TMEM233: variants seen among roughly 807,000 people sequenced by gnomAD.
TMEM233 encodes dispanin subfamily B member 2.
In TMEM233, 6 loss-of-function variants were observed where a neutral mutation model predicts 11.2. The observed-to-expected ratio is 0.54, with a 90% confidence interval of 0.29 to 1.06. The LOEUF (loss-of-function observed/expected upper bound fraction) is 1.06, where lower values mean the gene tolerates loss of function less well. Ranked by LOEUF, TMEM233 falls within the 50% of genes least tolerant of loss-of-function variation. The probability of loss-of-function intolerance (pLI) is 0.08; values close to 1 mark genes in which losing one functional copy is unlikely to be tolerated. For missense variants in TMEM233, 127 were observed against 144.7 expected (o/e 0.88, Z 0.63); for synonymous variants, 59 against 55.8 (o/e 1.06, Z -0.26).
intron 2 of TMEM233, among the ~76,000 whole-genome samples, chr12:119,632,389 C>T (rs1046259590): frequency 1.3e-5 from 2 of 152,166 alleles, no homozygotes; most frequent in Admixed American, 6.5e-5. Flanking sequence ...CTCTGCACTG[C>T]CGCTAAGTCA....
chr12:119,595,273 G>A lies in TMEM233; in HGVS notation c.186+1239G>A, dbSNP rs539314863. ...GCTCCCTCCCCCACCGGCTCACCTC[G>A]CCTGCAGCTGGGCCACGGAACTCCC... On this transcript the variant is annotated intron_variant, in intron 1 of 2. Coordinates refer to ENST00000426426, the MANE Select transcript of TMEM233 (RefSeq NM_001136534.3). This position sits in a 1 kb window ranked among gnomAD's most constrained non-coding sequence, Gnocchi z 4.3. Among the ~76,000 whole-genome samples the A allele has an allele frequency of 2.0e-5, 3 of 152,288 alleles. No individual in the cohort carries two copies. The highest frequency in any genetic ancestry group is 1.9e-4 in the East Asian group (1 of 5,176).
At chr12:119,610,928 A>G (rs1165476507) in intron 1 of TMEM233, among the ~76,000 whole-genome samples, 2 of 152,144 alleles carry the variant, frequency 1.3e-5, no homozygotes, top group Admixed American at 1.3e-4. Context: ...GAAATCATAC[A>G]ATATGTGATC....
At chr12:119,636,408 A>T (rs1218940818) in intron 2 of TMEM233, among the ~76,000 whole-genome samples, 1 of 152,206 alleles carries the variant, frequency 6.6e-6, no homozygotes, top group Non-Finnish European at 1.5e-5. Flanking sequence ...CACCTAAGGT[A>T]CCTGGTAGAA....
chr12:119,618,545 C>T (rs982584112), intron 1 of TMEM233, among the ~76,000 whole-genome samples: 24 of 152,330 alleles, frequency 1.6e-4, no homozygotes, highest in African/African-American at 5.8e-4. Context: ...TGTCCAAGGC[C>T]ATGGGAACAC....
At chr12:119,647,468 C>T (rs924134956), downstream of TMEM233, among the ~76,000 whole-genome samples, 4 of 151,872 alleles carry the variant, frequency 2.6e-5, no homozygotes, top group African/African-American at 7.3e-5. Context: ...TTTTTGTCTT[C>T]GGAGTAAAAG....
intron 1 of TMEM233, among the ~76,000 whole-genome samples, chr12:119,615,001 C>A (rs917804365): frequency 4.6e-5 from 7 of 151,550 alleles, no homozygotes; most frequent in African/African-American, 1.5e-4. Context: ...CTCTCTTTCA[C>A]TCCTACAGCT....
At chr12:119,632,835 A>G (rs1052037973) in intron 2 of TMEM233, among the ~76,000 whole-genome samples, 1 of 152,206 alleles carries the variant, frequency 6.6e-6, no homozygotes, top group Admixed American at 6.5e-5. Flanking sequence ...CACAAAAACA[A>G]TATTTGCAGC....
chr12:119,619,656 A>T (rs112032783), intron 1 of TMEM233, among the ~76,000 whole-genome samples: 1 of 151,518 alleles, frequency 6.6e-6, no homozygotes, highest in African/African-American at 2.4e-5. Context: ...AAAAAAAAAA[A>T]CACACTGACA....
chr12:119,647,559 A>AAG (rs1955170147), downstream of TMEM233, among the ~76,000 whole-genome samples: 1 of 152,188 alleles, frequency 6.6e-6, no homozygotes, highest in Non-Finnish European at 1.5e-5. Context: ...TCAGTGTCAA[A>AAG]AGGACTGCTC....
chr12:119,597,211 G>A (rs1459177896), intron 1 of TMEM233, among the ~76,000 whole-genome samples: 1 of 152,210 alleles, frequency 6.6e-6, no homozygotes, highest in African/African-American at 2.4e-5. Flanking sequence ...GTTCAGTCCT[G>A]GCAATTTTCA....
At chr12:119,628,033 C>A (rs1437153078) in intron 1 of TMEM233, among the ~76,000 whole-genome samples, 1 of 152,246 alleles carries the variant, frequency 6.6e-6, no homozygotes, top group Non-Finnish European at 1.5e-5. Flanking sequence ...GCAGCACTGC[C>A]CTGAGCTGCT....
At chr12:119,629,708 T>C in intron 1 of TMEM233, 28 bp from the exon 2 acceptor site, 2 of 1,540,908 alleles carry the variant, frequency 1.3e-6, no homozygotes, top group Non-Finnish European at 1.8e-6. Flanking sequence ...TTATCTGTCA[T>C]CACCAGCTCT....
intron 1 of TMEM233, among the ~76,000 whole-genome samples, chr12:119,622,567 T>A (rs1041045931): frequency 6.6e-6 from 1 of 152,124 alleles, no homozygotes; most frequent in African/African-American, 2.4e-5. Context: ...AACCTCAGTA[T>A]AAAATTCCAA....
the TMEM233 span, among the ~76,000 whole-genome samples, chr12:119,652,476 G>A: frequency 6.6e-5 from 10 of 152,114 alleles, no homozygotes; most frequent in African/African-American, 2.2e-4. Context: ...CTCATAAAAT[G>A]GGAATCATCC....
chr12:119,630,834 G>T (rs1445764901), intron 2 of TMEM233, among the ~76,000 whole-genome samples: 1 of 152,228 alleles, frequency 6.6e-6, no homozygotes, highest in African/African-American at 2.4e-5. Context: ...CACATCATCT[G>T]CTAAATAAAC....
In TMEM233 at chr12:119,594,650, C is replaced by G. The variant is rs1025269504; in HGVS notation, c.186+616C>G. 6.5e-6 allele frequency: 1 copy of G among 152,958 alleles called. No individual in the cohort carries two copies. Among genetic ancestry groups the G allele is most frequent in the African/African-American group, 2.4e-5 (1 of 41,454 alleles). The allele number at this position is 152,958 out of a possible 1,614,324, so 9.5% of individuals were successfully genotyped here. ...CCCGTTTCCGCGCTTTGGCACGGCACGCTCTGTCCAGGCAACAGTTTCCTC... is the reference window on the plus strand; with the variant it reads ...CCCGTTTCCGCGCTTTGGCACGGCAGGCTCTGTCCAGGCAACAGTTTCCTC... On this transcript the variant is annotated intron_variant, in intron 1 of 2. Transcript: ENST00000426426. This position sits in a 1 kb window ranked among gnomAD's most constrained non-coding sequence, Gnocchi z 5.6.
chr12:119,621,563 G>A (rs1462028940), intron 1 of TMEM233, among the ~76,000 whole-genome samples: 5 of 152,084 alleles, frequency 3.3e-5, no homozygotes, highest in Non-Finnish European at 7.4e-5. Flanking sequence ...TACAATTACT[G>A]TACCAAACTA....
Position 119,594,298 on chromosome 12 carries a change from C to G in TMEM233, c.186+264C>G, listed in dbSNP as rs1953984311. The G allele has an allele frequency of 2.2e-6, 1 of 446,174 alleles. No individual in the cohort carries two copies. The highest frequency in any genetic ancestry group is 4.0e-6 in the Non-Finnish European group (1 of 250,704). 27.6% of individuals were successfully genotyped at this position (446,174 alleles called of 1,614,324 possible). The stretch of plus-strand genomic sequence containing the variant: ...GCTAGCTTTCCTCTTCTTTCCAGCT[C>G]CCAGGGTGCGTTTCCTCTCCAACCC... On this transcript the variant is annotated intron_variant, in intron 1 of 2. Transcript: ENST00000426426. The surrounding 1 kb of genome is among the most constrained non-coding windows in gnomAD (Gnocchi z 5.6).
At chr12:119,607,229 A>G (rs578191121) in intron 1 of TMEM233, among the ~76,000 whole-genome samples, 1 of 152,330 alleles carries the variant, frequency 6.6e-6, no homozygotes, top group South Asian at 2.1e-4. Context: ...CCAGGGTTTT[A>G]ATCTTGGCAC....
Sources: allele counts gnomAD v4.1 joint callset (sites outside exome capture counted in the v4.1 genomes callset), GRCh38; gene constraint gnomAD v4.1.1; non-coding constraint Gnocchi (gnomAD v3.1); transcripts MANE v1.5; gene names NCBI Gene and HGNC (gene_info 2026-07-23, HGNC 2026-07-21).